Variants in REPS2 observed in about 807,000 individuals in gnomAD.
The protein encoded by REPS2 is RALBP1 associated Eps domain containing 2.
Under a neutral mutation model 53.6 loss-of-function variants are expected in REPS2, and 23 were observed. That is an observed-to-expected ratio of 0.43 (90% CI 0.31 to 0.61). The LOEUF (loss-of-function observed/expected upper bound fraction) is 0.61, where lower values mean the gene tolerates loss of function less well. Ranked by LOEUF, REPS2 falls within the 20% of genes least tolerant of loss-of-function variation. REPS2 has a pLI of 0.11. For synonymous variants in REPS2, 238 were observed against 218.6 expected (o/e 1.09, Z -0.78); for missense variants, 446 against 534.9 (o/e 0.83, Z 1.64).
chrX:16,968,784 C>T (rs2060825950), intron 1 of REPS2, among the ~76,000 whole-genome samples: 1 of 105,704 alleles, frequency 9.5e-6, no homozygotes, highest in African/African-American at 3.5e-5. Flanking sequence ...GGCAGAGGCG[C>T]CCCTCACCTC....
At chrX:17,086,091 C>CT (rs1361836522) in intron 13 of REPS2, among the ~76,000 whole-genome samples, 4 of 111,335 alleles carry the variant, frequency 3.6e-5, no homozygotes, top group Non-Finnish European at 1.9e-5. Context: ...TTCCTCTTTG[C>CT]TTTTCATTTA....
At chrX:16,976,846 G>C (rs1056750690) in intron 1 of REPS2, among the ~76,000 whole-genome samples, 2 of 111,607 alleles carry the variant, frequency 1.8e-5, no homozygotes, top group East Asian at 2.8e-4. Context: ...AAATTGCCTA[G>C]GTGGTGACCC....
the REPS2 span, among the ~76,000 whole-genome samples, chrX:17,171,564 G>A: frequency 1.8e-5 from 2 of 111,530 alleles, no homozygotes; most frequent in African/African-American, 6.5e-5. Context: ...CTGTCACCCA[G>A]CCTAGAGCGC....
chrX:17,052,501 A>G (rs2062016726), intron 7 of REPS2, 56 bp downstream of exon 7: 4 of 929,053 alleles, frequency 4.3e-6, no homozygotes, highest in Non-Finnish European at 6.0e-6. Context: ...CTCATCCTTT[A>G]GTTCCTACCT....
chrX:17,112,918 T>C (rs1424067112), intron 14 of REPS2, among the ~76,000 whole-genome samples: 1 of 105,489 alleles, frequency 9.5e-6, no homozygotes, highest in Admixed American at 1.0e-4. Context: ...AAACTCCGTC[T>C]CTACTAAAAA....
chrX:17,182,790 C>T, the REPS2 span, among the ~76,000 whole-genome samples: 1 of 112,055 alleles, frequency 8.9e-6, no homozygotes, highest in African/African-American at 3.2e-5. Context: ...TGAGCGAGCA[C>T]CTACTACGTA....
intron 1 of REPS2, among the ~76,000 whole-genome samples, chrX:17,003,838 G>A (rs1319728245): frequency 1.8e-5 from 2 of 111,880 alleles, no homozygotes; most frequent in African/African-American, 6.5e-5. Flanking sequence ...CAGCACAGTC[G>A]CCTAATCTTA....
intron 14 of REPS2, among the ~76,000 whole-genome samples, chrX:17,112,202 C>A (rs2062981040): frequency 9.0e-6 from 1 of 111,364 alleles, no homozygotes; most frequent in African/African-American, 3.3e-5. Flanking sequence ...TCAAGTAATC[C>A]TCCCACCTCA....
At chrX:16,969,094 C>T (rs2147682386) in intron 1 of REPS2, among the ~76,000 whole-genome samples, 1 of 109,238 alleles carries the variant, frequency 9.2e-6, no homozygotes, top group South Asian at 4.1e-4. Flanking sequence ...GATGGGGCGG[C>T]AGGGCAGAGG....
chrX:17,159,103 C>T, the REPS2 span, among the ~76,000 whole-genome samples: 1 of 111,604 alleles, frequency 9.0e-6, no homozygotes, highest in Non-Finnish European at 1.9e-5. Flanking sequence ...TTGGCTCCCA[C>T]TGTGTGTTCA....
At chrX:17,101,256 G>A (rs1603021379) in intron 13 of REPS2, among the ~76,000 whole-genome samples, 1 of 109,018 alleles carries the variant, frequency 9.2e-6, no homozygotes, top group Non-Finnish European at 1.9e-5. Flanking sequence ...TAGAGATGGG[G>A]TTTCACTGTG....
intron 16 of REPS2, chrX:17,138,613 A>G (rs1202892100): frequency 3.1e-5 from 8 of 254,150 alleles, no homozygotes; most frequent in Non-Finnish European, 4.2e-5. Context: ...GAAAAGGCCC[A>G]TTTCACAGCT....
intron 1 of REPS2, among the ~76,000 whole-genome samples, chrX:16,995,070 G>A (rs1214476303): frequency 5.3e-5 from 6 of 112,441 alleles, no homozygotes; most frequent in Non-Finnish European, 1.1e-4. Context: ...CAGTTATGAT[G>A]AAGCCAGCAT....
At chrX:17,132,994 C>G (rs2063314643) in intron 14 of REPS2, among the ~76,000 whole-genome samples, 1 of 112,365 alleles carries the variant, frequency 8.9e-6, no homozygotes, top group African/African-American at 3.2e-5. Flanking sequence ...GCACAGTCAC[C>G]AGAAATACAC....
intron 1 of REPS2, among the ~76,000 whole-genome samples, chrX:16,986,435 G>A (rs894355898): frequency 4.5e-5 from 5 of 112,031 alleles, no homozygotes; most frequent in African/African-American, 1.6e-4. Context: ...GTATTAGTTA[G>A]TAGGACACTG....
At chrX:17,091,566 T>C (rs1220848339) in intron 13 of REPS2, among the ~76,000 whole-genome samples, 1 of 112,354 alleles carries the variant, frequency 8.9e-6, no homozygotes. Context: ...GTTGAACAGT[T>C]ACAAGGATGT....
chrX:17,079,685 G>C (rs1191294351), intron 13 of REPS2, among the ~76,000 whole-genome samples: 1 of 112,086 alleles, frequency 8.9e-6, no homozygotes, highest in East Asian at 2.8e-4. Flanking sequence ...AGCTAGGTGG[G>C]TGATGTCTCT....
At chrX:17,054,759 T>G in intron 7 of REPS2, 49 bp from the exon 8 acceptor site, 1 of 1,186,316 alleles carries the variant, frequency 8.4e-7, no homozygotes, top group African/African-American at 1.8e-5. Flanking sequence ...GCCAAGTAAC[T>G]TGTTCTGTAA....
chrX:17,185,058 T>G, the REPS2 span, among the ~76,000 whole-genome samples: 41 of 111,215 alleles, frequency 3.7e-4, no homozygotes, highest in Non-Finnish European at 6.6e-4. Context: ...TAGGCTCAGC[T>G]GAGTGTTTCT....
Sources: gnomAD v4.1 joint callset for allele counts (sites outside exome capture counted in the v4.1 genomes callset) on GRCh38, gnomAD v4.1.1 for gene constraint, MANE v1.5 for transcripts, NCBI Gene and HGNC (gene_info 2026-07-23, HGNC 2026-07-21) for gene names.